The following TBC1D19 variants were observed in gnomAD, a reference collection of about 807,000 sequenced individuals.
TBC1D19 encodes the protein TBC1 domain family member 19.
TBC1D19 carries 60 observed loss-of-function variants against 89.0 expected under a neutral mutation model. The observed-to-expected ratio is 0.67, with a 90% CI of 0.55 to 0.84. The LOEUF (loss-of-function observed/expected upper bound fraction) is 0.84. TBC1D19 is among the 40% of genes least tolerant of loss of function. The pLI is 0.00. For synonymous variants in TBC1D19, 189 were observed against 199.7 expected (o/e 0.95, Z 0.45); for missense variants, 500 against 610.8 (o/e 0.82, Z 1.91).
upstream of TBC1D19, chr4:26,583,797 T>C (rs1035074318): frequency 5.2e-6 from 1 of 193,262 alleles, no homozygotes; most frequent in Non-Finnish European, 1.1e-5. Flanking sequence ...CACAGTCCTG[T>C]TTCTGCAGAA....
chr4:26,627,888 T>A (rs1371919498), intron 4 of TBC1D19, among the ~76,000 whole-genome samples: 1 of 152,056 alleles, frequency 6.6e-6, no homozygotes, highest in African/African-American at 2.4e-5. Flanking sequence ...CTCTTTAGTT[T>A]AATTAGATCC....
chr4:26,706,996 T>C (rs577233312), intron 13 of TBC1D19, among the ~76,000 whole-genome samples: 16 of 152,242 alleles, frequency 1.1e-4, no homozygotes, highest in South Asian at 8.3e-4. Context: ...GGAATGTGTA[T>C]GCTGTAGTTC....
At chr4:26,608,055 G>A (rs2047833993) in intron 1 of TBC1D19, among the ~76,000 whole-genome samples, 1 of 152,174 alleles carries the variant, frequency 6.6e-6, no homozygotes, top group Non-Finnish European at 1.5e-5. Flanking sequence ...TCATGTAGTA[G>A]TAAAACCATG....
the TBC1D19 span, among the ~76,000 whole-genome samples, chr4:26,838,704 T>C: frequency 6.6e-6 from 1 of 152,246 alleles, no homozygotes; most frequent in African/African-American, 2.4e-5. Flanking sequence ...AGTTAAAATC[T>C]GATTACTTCG....
the TBC1D19 span, among the ~76,000 whole-genome samples, chr4:26,793,414 A>G: frequency 2.0e-5 from 3 of 152,224 alleles, no homozygotes; most frequent in African/African-American, 4.8e-5. Context: ...AACCAATGGT[A>G]CAGTTGATGT....
At chr4:26,754,631 C>G (rs927119840) in intron 20 of TBC1D19, among the ~76,000 whole-genome samples, 2 of 152,060 alleles carry the variant, frequency 1.3e-5, no homozygotes, top group African/African-American at 4.8e-5. Flanking sequence ...CTCATGCTAC[C>G]TTGTATATTT....
At chr4:26,698,766 G>A (rs1306278365) in intron 13 of TBC1D19, among the ~76,000 whole-genome samples, 1 of 152,172 alleles carries the variant, frequency 6.6e-6, no homozygotes, top group Non-Finnish European at 1.5e-5. Flanking sequence ...ATGGGGAAAG[G>A]ATTCCCTATT....
Position 26,748,412 on chromosome 4 carries a change from C to G in TBC1D19, c.1321C>G (p.Leu441Val). The change falls in exon 19 of 21, where the codon CTT becomes GTT. Residue 441 changes from leucine to valine, a missense_variant and splice_region_variant. Leu to Val is a conservative substitution (Grantham distance 32, BLOSUM62 1). Around this residue, in one of 2 missense-constraint regions of TBC1D19, gnomAD observed 220 missense variants for 319.1 expected, o/e 0.69. Coordinates refer to ENST00000264866, the MANE Select transcript of TBC1D19 (RefSeq NM_018317.4). ...ATTTTTATTTTTCCTTGCTTATAGACTTCGCATATCATTTAAGTGGATGGT... is the reference window on the plus strand; with the variant it reads ...ATTTTTATTTTTCCTTGCTTATAGAGTTCGCATATCATTTAAGTGGATGGT... ...YHLREIGAQP[L>V]RISFKWMVRA... The G allele has an allele frequency of 6.2e-7, 1 of 1,609,862 alleles. No individual in the cohort carries two copies. The highest frequency in any genetic ancestry group is 8.5e-7 in the Non-Finnish European group (1 of 1,177,244).
intron 9 of TBC1D19, among the ~76,000 whole-genome samples, chr4:26,671,807 T>C (rs1317471081): frequency 6.6e-6 from 1 of 151,856 alleles, no homozygotes; most frequent in Non-Finnish European, 1.5e-5. Context: ...GAAGATGTTT[T>C]AACAAAGGGA....
intron 1 of TBC1D19, among the ~76,000 whole-genome samples, chr4:26,607,773 A>G (rs897031499): frequency 6.6e-6 from 1 of 152,184 alleles, no homozygotes; most frequent in East Asian, 1.9e-4. Context: ...CCAGAATAGA[A>G]CCTGTTTCTC....
chr4:26,592,708 A>C (rs1430277446), intron 1 of TBC1D19, among the ~76,000 whole-genome samples: 1 of 151,178 alleles, frequency 6.6e-6, no homozygotes, highest in Admixed American at 6.6e-5. Context: ...ACAAACAGAG[A>C]GCCAAATCAT....
chr4:26,787,810 A>G, the TBC1D19 span, among the ~76,000 whole-genome samples: 1 of 152,088 alleles, frequency 6.6e-6, no homozygotes, highest in African/African-American at 2.4e-5. Flanking sequence ...TGAACTTGGA[A>G]GCTCCTGGCT....
the TBC1D19 span, among the ~76,000 whole-genome samples, chr4:26,812,163 G>A: frequency 6.6e-6 from 1 of 152,164 alleles, no homozygotes. This position sits in a 1 kb window ranked among gnomAD's most constrained non-coding sequence, Gnocchi z 4.2. Context: ...ACCTAGCAGA[G>A]CCTTGGGAGG....
intron 7 of TBC1D19, among the ~76,000 whole-genome samples, chr4:26,644,635 C>T (rs1015201795): frequency 3.3e-5 from 5 of 152,148 alleles, no homozygotes; most frequent in African/African-American, 1.2e-4. Flanking sequence ...TCAAACTGTC[C>T]CTGTTTGCAG....
intron 13 of TBC1D19, among the ~76,000 whole-genome samples, chr4:26,706,505 G>C (rs1358167954): frequency 1.3e-5 from 2 of 151,898 alleles, no homozygotes; most frequent in African/African-American, 4.8e-5. Flanking sequence ...TATCTCTATT[G>C]TTTTCCTATT....
At chr4:26,697,085 G>T (rs1336021972) in intron 13 of TBC1D19, among the ~76,000 whole-genome samples, 4 of 151,938 alleles carry the variant, frequency 2.6e-5, no homozygotes, top group Admixed American at 2.6e-4. Flanking sequence ...TTTTTGAAAA[G>T]ATCAACAAAA....
rs184334822 is a variant in TBC1D19, at chr4:26,654,983, T to G, written c.481-4614T>G. Reference sequence around the variant, plus strand: ...AGAATTTTCAATTTTTCTGCTCTGTTTTTTCCCCATGTTTGTGGTTTTATC... The same window carrying G: ...AGAATTTTCAATTTTTCTGCTCTGTGTTTTCCCCATGTTTGTGGTTTTATC... On this transcript the variant is annotated intron_variant, in intron 7 of 20. Transcript: ENST00000264866. 7.9e-5 allele frequency among the ~76,000 whole-genome samples: 12 copies of G among 152,296 alleles called. 1 individual carries two copies. Among genetic ancestry groups the G allele is most frequent in the Admixed American group, 7.2e-4 (11 of 15,292 alleles).
rs1040668004 is a variant in TBC1D19, at chr4:26,736,423, T to C, written c.1117+936T>C. 4.1e-5 allele frequency among the ~76,000 whole-genome samples: 6 copies of C among 145,500 alleles called. No individual in the cohort carries two copies. In the East Asian group the frequency reaches 6.2e-4, roughly 15 times the overall value. On this transcript the variant is annotated intron_variant, in intron 16 of 20. Coordinates refer to ENST00000264866, the MANE Select transcript of TBC1D19 (RefSeq NM_018317.4). ...GTTGGGGGAGGGGGGAGGGATAGCATTGGGAGATATACCTAATGCTAGATG... is the reference window on the plus strand; with the variant it reads ...GTTGGGGGAGGGGGGAGGGATAGCACTGGGAGATATACCTAATGCTAGATG...
the TBC1D19 span, among the ~76,000 whole-genome samples, chr4:26,788,462 T>G: frequency 2.0e-5 from 3 of 152,146 alleles, no homozygotes; most frequent in South Asian, 4.1e-4. Context: ...AATCAGATAC[T>G]CTTGGTTCTA....
Sources: gnomAD v4.1 joint callset for allele counts (sites outside exome capture counted in the v4.1 genomes callset) on GRCh38, gnomAD v4.1.1 for gene constraint, gnomAD v4.1.1 regional missense constraint, Gnocchi (gnomAD v3.1) non-coding constraint, MANE v1.5 for transcripts, NCBI Gene and HGNC (gene_info 2026-07-23, HGNC 2026-07-21) for gene names.